Variants in ASXL3 observed in about 807,000 individuals in gnomAD.
The protein encoded by ASXL3 is putative Polycomb group protein ASXL3.
In ASXL3, 34 loss-of-function variants were observed where a neutral mutation model predicts 170.6. The ratio of observed to expected loss-of-function variants is 0.20; its 90% CI spans 0.15 to 0.27. The LOEUF is 0.27. Among genes scored for constraint, ASXL3 ranks in the 10% least tolerant of loss-of-function variants. The probability of loss-of-function intolerance (pLI) is 1.00; values close to 1 mark genes in which losing one functional copy is unlikely to be tolerated. For synonymous variants in ASXL3, 1,002 were observed against 989.1 expected, an observed-to-expected ratio of 1.01 and a Z score of -0.24; for missense variants, 2,592 against 2,695.3, an observed-to-expected ratio of 0.96 and a Z score of 0.85.
Position 33,593,591 on chromosome 18 carries a change from C to T in ASXL3, c.55-14003C>T, listed in dbSNP as rs147853787. ...CCACATGCATCTTAAACCAGACGAG[C>T]GACGTTTGTCCAGTCCTTCAACTTA... On this transcript the variant is annotated intron_variant, in intron 1 of 11. Coordinates refer to ENST00000269197, the MANE Select transcript of ASXL3 (RefSeq NM_030632.3). Among the ~76,000 whole-genome samples, 1,112 of 152,238 alleles carry T rather than the reference C, an allele frequency of 7.3e-3. 5 individuals carry two copies. The highest frequency in any genetic ancestry group is 0.027 in the Middle Eastern group (8 of 294).
intron 1 of ASXL3, among the ~76,000 whole-genome samples, chr18:33,602,164 A>T (rs1053851506): frequency 6.6e-6 from 1 of 151,926 alleles, no homozygotes; most frequent in African/African-American, 2.4e-5. Flanking sequence ...ACCTTGACTT[A>T]TGATAATCTA....
At chr18:33,713,272 T>TC in intron 8 of ASXL3, among the ~76,000 whole-genome samples, 1 of 122,110 alleles carries the variant, frequency 8.2e-6, no homozygotes, top group Non-Finnish European at 1.7e-5. Flanking sequence ...TTTTTTTTTT[T>TC]TTGAGACAGG....
At chr18:33,692,824 G>T (rs1306752891) in intron 8 of ASXL3, among the ~76,000 whole-genome samples, 2 of 152,192 alleles carry the variant, frequency 1.3e-5, no homozygotes, top group Non-Finnish European at 1.5e-5. Flanking sequence ...CTTAGCCACA[G>T]ATATTAGAGA....
At chr18:33,599,593 T>C (rs1348494769) in intron 1 of ASXL3, among the ~76,000 whole-genome samples, 1 of 152,174 alleles carries the variant, frequency 6.6e-6, no homozygotes, top group Non-Finnish European at 1.5e-5. Context: ...AAAAGAACTT[T>C]GTAAGCTTGA....
rs115860084 is a variant in ASXL3, at chr18:33,612,073, A to T, written c.137+4397A>T. 7.0e-3 allele frequency among the ~76,000 whole-genome samples: 1,072 copies of T among 152,198 alleles called. 14 individuals are homozygous for T. The highest frequency in any genetic ancestry group is 0.025 in the African/African-American group (1,024 of 41,538). On this transcript the variant is annotated intron_variant, in intron 2 of 11. Transcript: ENST00000269197. The stretch of plus-strand genomic sequence containing the variant: ...AATAATTTTTTATGTGCTGGGCATT[A>T]TCATTACAAGATACCTGTCATTAAT...
At chr18:33,657,016 G>C (rs1941702) in intron 4 of ASXL3, among the ~76,000 whole-genome samples, 78,057 of 151,908 alleles carry the variant, frequency 0.51, 20,525 homozygotes, top group East Asian at 0.79. Flanking sequence ...GCCCATCTTC[G>C]CATGTAAGTC....
chr18:33,645,041 C>T (rs1339342384), intron 3 of ASXL3, 39 bp downstream of exon 3: 1 of 1,367,580 alleles, frequency 7.3e-7, no homozygotes, highest in Non-Finnish European at 1.0e-6. Flanking sequence ...TTACTATTAT[C>T]ATGCATTTTT....
At chr18:33,689,715 T>C (rs2066657325) in intron 8 of ASXL3, among the ~76,000 whole-genome samples, 1 of 152,228 alleles carries the variant, frequency 6.6e-6, no homozygotes, top group Non-Finnish European at 1.5e-5. Flanking sequence ...GTTAACTTGA[T>C]CATTGTATTA....
At chr18:33,614,979 C>T (rs1020551466) in intron 2 of ASXL3, 6 of 151,958 alleles carry the variant, frequency 3.9e-5, no homozygotes, top group African/African-American at 9.7e-5. Flanking sequence ...CTGGGATTTC[C>T]GAAATGCTAA....
In ASXL3 at chr18:33,746,718, C is replaced by T; in HGVS notation, c.*123C>T. ...ATTTATTTTGCTTTGGAGCAGGTAC[C>T]TTTCCTCTATGGCATTATTTTCTTG... On this transcript the variant is annotated 3_prime_UTR_variant, in exon 12 of 12. Coordinates refer to ENST00000269197, the MANE Select transcript of ASXL3 (RefSeq NM_030632.3). 1 of 1,429,862 alleles carries T rather than the reference C, an allele frequency of 7.0e-7. No individual in the cohort carries two copies. Among genetic ancestry groups the T allele is most frequent in the Non-Finnish European group, 9.2e-7 (1 of 1,085,548 alleles). 88.6% of individuals were successfully genotyped at this position (1,429,862 alleles called of 1,614,324 possible).
chr18:33,621,714 T>C (rs898204323), intron 2 of ASXL3, among the ~76,000 whole-genome samples: 7 of 152,162 alleles, frequency 4.6e-5, no homozygotes, highest in African/African-American at 1.7e-4. Flanking sequence ...AATGACGACC[T>C]CGCAGAGAGA....
intron 8 of ASXL3, among the ~76,000 whole-genome samples, chr18:33,730,260 C>A (rs2067421024): frequency 6.6e-6 from 1 of 151,974 alleles, no homozygotes; most frequent in African/African-American, 2.4e-5. Context: ...ATTATCTGGC[C>A]CCAAATGACA....
At chr18:33,600,027 T>A (rs1313447956) in intron 1 of ASXL3, among the ~76,000 whole-genome samples, 1 of 152,178 alleles carries the variant, frequency 6.6e-6, no homozygotes, top group Non-Finnish European at 1.5e-5. Context: ...AAAATATTTA[T>A]CAATTTTTAG....
At chr18:33,701,928 A>G (rs1170310394) in intron 8 of ASXL3, among the ~76,000 whole-genome samples, 1 of 151,998 alleles carries the variant, frequency 6.6e-6, no homozygotes, top group Non-Finnish European at 1.5e-5. Context: ...CATAATCTCT[A>G]TCACTGTATC....
At chr18:33,694,185 T>C (rs2066734822) in intron 8 of ASXL3, among the ~76,000 whole-genome samples, 1 of 152,186 alleles carries the variant, frequency 6.6e-6, no homozygotes, top group Non-Finnish European at 1.5e-5. Context: ...TATGGGAATG[T>C]TGGCTTAATA....
chr18:33,683,757 A>G (rs1400030130), intron 8 of ASXL3, 189 bp downstream of exon 8: 18 of 544,616 alleles, frequency 3.3e-5, no homozygotes, highest in Non-Finnish European at 4.7e-5. Context: ...TAGTGAGCCA[A>G]TTCAAATTTT....
chr18:33,714,329 G>A (rs2067129379), intron 8 of ASXL3, among the ~76,000 whole-genome samples: 1 of 152,044 alleles, frequency 6.6e-6, no homozygotes, highest in Non-Finnish European at 1.5e-5. Context: ...TTCAATATAG[G>A]CAGGTCCCGG....
intron 2 of ASXL3, among the ~76,000 whole-genome samples, chr18:33,611,162 T>C (rs2065331287): frequency 6.6e-6 from 1 of 152,096 alleles, no homozygotes; most frequent in Admixed American, 6.6e-5. Context: ...CTTTTTTACA[T>C]CATGTTCTGT....
chr18:33,655,775 T>G (rs1438462891), intron 4 of ASXL3, among the ~76,000 whole-genome samples: 1 of 152,112 alleles, frequency 6.6e-6, no homozygotes, highest in Non-Finnish European at 1.5e-5. Context: ...ATGTAAATAC[T>G]ATACATAAAA....
Sources: gnomAD v4.1 joint callset for allele counts (sites outside exome capture counted in the v4.1 genomes callset) on GRCh38, gnomAD v4.1.1 for gene constraint, MANE v1.5 for transcripts, NCBI Gene and HGNC (gene_info 2026-07-23, HGNC 2026-07-21) for gene names.